GALNT9: variants seen among roughly 807,000 people sequenced by gnomAD.
GALNT9 encodes GalNAc transferase 9.
In GALNT9, 47 loss-of-function variants were observed where a neutral mutation model predicts 63.1. The ratio of observed to expected loss-of-function variants is 0.75; its 90% CI spans 0.59 to 0.95. The LOEUF is 0.95. Among genes scored for constraint, GALNT9 ranks in the 40% least tolerant of loss-of-function variants. The pLI is 0.00. For missense variants in GALNT9, 829 were observed against 874.8 expected (o/e 0.95, Z 0.66); for synonymous variants, 396 against 365.7 (o/e 1.08, Z -0.94).
At chr12:132,321,789 A>G (rs1477063227) in intron 1 of GALNT9, among the ~76,000 whole-genome samples, 1 of 151,538 alleles carries the variant, frequency 6.6e-6, no homozygotes, top group Non-Finnish European at 1.5e-5. Context: ...CTGTCCCCTC[A>G]CACACCTGTC....
chr12:132,272,565 C>G (rs938619586), intron 2 of GALNT9: 2 of 152,214 alleles, frequency 1.3e-5, no homozygotes, highest in Non-Finnish European at 2.9e-5. Flanking sequence ...ACACCTGACA[C>G]TCATCACAAA....
At chr12:132,307,669 T>TG (rs572230879) in intron 1 of GALNT9, among the ~76,000 whole-genome samples, 1 of 140,224 alleles carries the variant, frequency 7.1e-6, no homozygotes, top group Non-Finnish European at 1.5e-5. Context: ...TCATCTCTAC[T>TG]AAAAAAAAAA....
chr12:132,297,384 C>T (rs1389111551), intron 1 of GALNT9, among the ~76,000 whole-genome samples: 1 of 151,954 alleles, frequency 6.6e-6, no homozygotes, highest in East Asian at 1.9e-4. Context: ...CAACTCACTC[C>T]CATGATAACC....
intron 6 of GALNT9, among the ~76,000 whole-genome samples, chr12:132,216,137 TAC>T (rs1565989851): frequency 2.0e-5 from 3 of 148,828 alleles, no homozygotes; most frequent in Non-Finnish European, 3.0e-5. Flanking sequence ...GACAGAAAGA[TAC>T]AGAGACACAG....
chr12:132,283,470 C>T (rs28719704), intron 2 of GALNT9: 89,818 of 152,502 alleles, frequency 0.59, 28,665 homozygotes, highest in African/African-American at 0.86. Context: ...ACCCTGAGCG[C>T]CCACATCCGG....
At position 132,250,295 on chromosome 12, in the gene GALNT9, G is replaced by A. The variant is rs141467946; in HGVS notation, c.960-2268C>T. Among the ~76,000 whole-genome samples, 157 of 152,262 alleles carry A rather than the reference G, an allele frequency of 1.0e-3. 1 individual carries two copies. The East Asian group carries it at 0.019, about 19-fold the overall frequency. ...ATGCAGGGGCTGGGGCGGGGGGAAC[G>A]GGGAGTGGCGGCTCGTGGGTGTGGG... On this transcript the variant is annotated intron_variant, in intron 5 of 10. Coordinates refer to ENST00000328957, the MANE Select transcript of GALNT9 (RefSeq NM_001122636.2).
chr12:132,328,880 C>A, intron 1 of GALNT9, 86 bp downstream of exon 1: 7 of 1,382,974 alleles, frequency 5.1e-6, no homozygotes, highest in Non-Finnish European at 6.6e-6. Flanking sequence ...GGGGCGCGCA[C>A]CCGAGGCCGG....
chr12:132,305,430 C>T (rs1396318811), intron 1 of GALNT9, among the ~76,000 whole-genome samples: 1 of 75,786 alleles, frequency 1.3e-5, no homozygotes, highest in African/African-American at 6.8e-5. Flanking sequence ...CACCCTCACC[C>T]GGGCACAGAA....
At chr12:132,210,817 G>T (rs568237548) in intron 6 of GALNT9, among the ~76,000 whole-genome samples, 1 of 139,356 alleles carries the variant, frequency 7.2e-6, no homozygotes, top group African/African-American at 3.2e-5. Flanking sequence ...CATCTGGGTG[G>T]TCGCCGTCTG....
intron 1 of GALNT9, among the ~76,000 whole-genome samples, chr12:132,301,520 C>T (rs1218032557): frequency 2.0e-5 from 3 of 152,372 alleles, no homozygotes; most frequent in South Asian, 4.1e-4. Flanking sequence ...GCTGCCCCAT[C>T]GTCGGCCCCT....
In GALNT9 at chr12:132,246,113, G is replaced by A. The variant is rs148351109; in HGVS notation, c.1077+1797C>T. On this transcript the variant is annotated intron_variant, in intron 6 of 10. Coordinates refer to ENST00000328957, the MANE Select transcript of GALNT9 (RefSeq NM_001122636.2). The surrounding 1 kb of genome is among the most constrained non-coding windows in gnomAD (Gnocchi z 4.7). ...ATCAGGGGAGACGGTGAGAGAAGCC[G>A]ACACCCGCGTGGGTGCGTTCAATCC... is the stretch of plus-strand genomic sequence containing the variant. 3.8e-3 allele frequency among the ~76,000 whole-genome samples: 580 copies of A among 152,362 alleles called. 3 individuals are homozygous for A. The highest frequency in any genetic ancestry group is 0.013 in the African/African-American group (533 of 41,586).
At chr12:132,304,806 T>TCACCC (rs1881508932) in intron 1 of GALNT9, among the ~76,000 whole-genome samples, 7 of 2,680 alleles carry the variant, frequency 2.6e-3, no homozygotes, top group Admixed American at 5.3e-3. Context: ...CACCCTCACC[T>TCACCC]GGGCACACCC....
intron 6 of GALNT9, chr12:132,206,307 C>T (rs1876691433): frequency 6.5e-6 from 1 of 152,774 alleles, no homozygotes; most frequent in African/African-American, 2.4e-5. Flanking sequence ...CTGCATGCTC[C>T]ACTGCCTCCA....
intron 7 of GALNT9, among the ~76,000 whole-genome samples, chr12:132,203,233 G>C (rs1002055653): frequency 6.6e-6 from 1 of 152,154 alleles, no homozygotes; most frequent in Non-Finnish European, 1.5e-5. Flanking sequence ...TTCTAACCAC[G>C]GGGCAATTGC....
rs1036757545 is a variant in GALNT9 at position 132,282,816 on chromosome 12, A to G, written c.419+3434T>C. The stretch of plus-strand genomic sequence containing the variant: ...GCGGCGGGATCTGCAGCTGGGCTGA[A>G]ATGGATCAGAGCGGGGGGTGTGGAC... On this transcript the variant is annotated intron_variant, in intron 2 of 10. Coordinates refer to ENST00000328957, the MANE Select transcript of GALNT9 (RefSeq NM_001122636.2). This position sits in a 1 kb window ranked among gnomAD's most constrained non-coding sequence, Gnocchi z 4.5. 1 of 152,290 alleles carries G rather than the reference A, an allele frequency of 6.6e-6. No homozygotes were observed. Among genetic ancestry groups the G allele is most frequent in the Non-Finnish European group, 1.5e-5 (1 of 68,228 alleles). 9.4% of individuals were successfully genotyped at this position (152,290 alleles called of 1,614,324 possible).
At chr12:132,230,766 G>A (rs1204907989) in intron 6 of GALNT9, among the ~76,000 whole-genome samples, 2 of 152,240 alleles carry the variant, frequency 1.3e-5, no homozygotes, top group Non-Finnish European at 2.9e-5. Context: ...TGGAGGCTGA[G>A]GTATGTGTTA....
At chr12:132,240,842 C>G in intron 6 of GALNT9, 1 of 395,744 alleles carries the variant, frequency 2.5e-6, no homozygotes, top group Non-Finnish European at 5.1e-6. Flanking sequence ...ACCCATTACA[C>G]ACACACCACA....
chr12:132,323,681 C>T (rs1455505992), intron 1 of GALNT9, among the ~76,000 whole-genome samples: 1 of 152,268 alleles, frequency 6.6e-6, no homozygotes, highest in Non-Finnish European at 1.5e-5. Flanking sequence ...ACCGGAGAGG[C>T]AATCCCCGTC....
In GALNT9 at chr12:132,286,684, CTG is replaced by C; in HGVS notation, c.239-256_239-255del. Among the ~76,000 whole-genome samples, 1 of 152,260 alleles carries C rather than the reference CTG, an allele frequency of 6.6e-6. No individual in the cohort carries two copies. The highest frequency in any genetic ancestry group is 6.5e-5 in the Admixed American group (1 of 15,308). ...CATGAGGCGTTGAAGGCAGTGGACTCTGTGTGATGCTGCAATGGTGGATATCT... is the reference window on the plus strand; with the variant it reads ...CATGAGGCGTTGAAGGCAGTGGACTCTGTGATGCTGCAATGGTGGATATCT... On this transcript the variant is annotated intron_variant, in intron 1 of 10. Transcript: ENST00000328957. This position sits in a 1 kb window ranked among gnomAD's most constrained non-coding sequence, Gnocchi z 7.4.
Sources: allele counts gnomAD v4.1 joint callset (sites outside exome capture counted in the v4.1 genomes callset), GRCh38; gene constraint gnomAD v4.1.1; non-coding constraint Gnocchi (gnomAD v3.1); transcripts MANE v1.5; gene names NCBI Gene and HGNC (gene_info 2026-07-23, HGNC 2026-07-21).